HK1: variants seen among roughly 807,000 people sequenced by gnomAD.
HK1 encodes hexokinase 1.
A neutral mutation model predicts 91.6 loss-of-function variants in HK1; 28 were observed. The observed-to-expected ratio is 0.31, with a 90% CI of 0.23 to 0.42. HK1 has a LOEUF of 0.42. Ranked by LOEUF, HK1 falls within the 10% of genes least tolerant of loss-of-function variation. The pLI, the probability that HK1 is intolerant of heterozygous loss-of-function variation, is 1.00. For missense variants in HK1, 770 were observed against 1,219.8 expected (o/e 0.63, Z 5.49); for synonymous variants, 430 against 468.1 (o/e 0.92, Z 1.05).
chr10:69,355,955 C>T (rs1451072457), intron 2 of HK1, among the ~76,000 whole-genome samples: 8 of 152,262 alleles, frequency 5.3e-5, no homozygotes, highest in Non-Finnish European at 7.3e-5. Flanking sequence ...TTGACCTACA[C>T]CTCATACCAT....
intron 1 of HK1, among the ~76,000 whole-genome samples, chr10:69,333,818 G>T (rs919836373): frequency 6.6e-6 from 1 of 152,156 alleles, no homozygotes; most frequent in Non-Finnish European, 1.5e-5. Flanking sequence ...TCTTCATCAA[G>T]AATGGGGATC....
chr10:69,318,941 C>T lies in HK1; in HGVS notation c.-7C>T, dbSNP rs1564508013. On this transcript the variant is annotated 5_prime_UTR_variant, in exon 1 of 18. Transcript: ENST00000359426. ...ACGCCTGCCGCCCCGCGACCCCGAC[C>T]GCCAGCATGATCGCCGCGCAGCTCC... The T allele has an allele frequency of 3.1e-6, 5 of 1,589,820 alleles. No homozygotes were observed. The highest frequency in any genetic ancestry group is 1.7e-5 in the Admixed American group (1 of 57,762).
intron 14 of HK1, 104 bp from the exon 15 acceptor site, chr10:69,392,021 A>G: frequency 6.6e-6 from 7 of 1,060,748 alleles, no homozygotes; most frequent in Non-Finnish European, 1.0e-5. Flanking sequence ...ATCACAAAAA[A>G]CGTGCCCCCT....
At chr10:69,325,769 G>A (rs943036422) in intron 1 of HK1, among the ~76,000 whole-genome samples, 10 of 149,194 alleles carry the variant, frequency 6.7e-5, no homozygotes, top group Admixed American at 2.0e-4. Context: ...ACTCCTGACC[G>A]CAAGTGATCT....
chr10:69,276,108 A>ATAT lies in HK1; in HGVS notation c.-391+6000_-391+6001insTAT, dbSNP rs1352397297. 8.3e-3 allele frequency among the ~76,000 whole-genome samples: 404 copies of ATAT among 48,838 alleles called. 9 individuals carry two copies. The highest frequency in any genetic ancestry group is 0.013 in the Non-Finnish European group (314 of 24,988). 32.0% of individuals were successfully genotyped at this position (48,838 alleles called of 152,430 possible). On this transcript the variant is annotated intron_variant, in intron 1 of 21. Transcript: ENST00000360289. Reference sequence around the variant, plus strand: ...TCCTTTTCAAAAAAAAAAAAAAAAAAAAAAAAAAAAATACATATATATATA... The same window carrying ATAT: ...TCCTTTTCAAAAAAAAAAAAAAAAAATATAAAAAAAAAAATACATATATATATA...
chr10:69,285,344 C>A (rs4622145), intron 2 of HK1, among the ~76,000 whole-genome samples: 13,524 of 151,834 alleles, frequency 0.089, 1,074 homozygotes, highest in African/African-American at 0.21. Flanking sequence ...GAATGGCGTG[C>A]ACTCGGGAGG....
At position 69,350,757 on chromosome 10, in the gene HK1, C is replaced by T. The variant is rs1355694579; in HGVS notation, c.226+6768C>T. On this transcript the variant is annotated intron_variant, in intron 2 of 17. Transcript: ENST00000359426. ...AGTAAAATATTAAAATAAAAAGTACCGATCATTTCATCTCAGTGTAGTATT... is the reference window on the plus strand; with the variant it reads ...AGTAAAATATTAAAATAAAAAGTACTGATCATTTCATCTCAGTGTAGTATT... Among the ~76,000 whole-genome samples, 8 of 152,016 alleles carry T rather than the reference C, an allele frequency of 5.3e-5. No homozygotes were observed. In the East Asian group the frequency reaches 9.7e-4, roughly 18 times the overall value.
chr10:69,319,464 G>C lies in HK1; in HGVS notation c.63+454G>C, dbSNP rs562713849. Among the ~76,000 whole-genome samples, 17 of 152,360 alleles carry C rather than the reference G, an allele frequency of 1.1e-4. No individual in the cohort carries two copies. The South Asian group carries it at 2.3e-3, about 20-fold the overall frequency. ...CCATATTTGGGGTTCCTGGCGGAGG[G>C]TGTCGGGTGCCCCGGAGAAGCTGTC... On this transcript the variant is annotated intron_variant, in intron 1 of 17. Coordinates refer to ENST00000359426, the MANE Select transcript of HK1 (RefSeq NM_000188.3).
intron 1 of HK1, among the ~76,000 whole-genome samples, chr10:69,337,602 G>T (rs751788964): frequency 3.9e-5 from 6 of 152,212 alleles, no homozygotes; most frequent in Admixed American, 6.5e-5. Context: ...CTTAGCAAAG[G>T]GAAGTGAATT....
At chr10:69,375,703 C>T (rs566526901) in intron 7 of HK1, among the ~76,000 whole-genome samples, 2 of 152,272 alleles carry the variant, frequency 1.3e-5, no homozygotes, top group South Asian at 4.1e-4. Context: ...AGAGGAGCGG[C>T]GGGCTGCTCT....
Position 69,369,493 on chromosome 10 carries a change from G to A in HK1, c.744G>A (p.Val248=). ...YMEELRHIDL[V]EGDEGRMCIN... is the part of the protein sequence containing the mutation. ...AGGAACTGAGGCACATTGATCTGGTGGAAGGAGACGAGGGGAGGATGTGTA... is the reference window on the plus strand; with the variant it reads ...AGGAACTGAGGCACATTGATCTGGTAGAAGGAGACGAGGGGAGGATGTGTA... The change falls in exon 7 of 18, where the codon GTG becomes GTA. Residue 248 remains valine (V), a synonymous_variant. Coordinates refer to ENST00000359426, the MANE Select transcript of HK1 (RefSeq NM_000188.3). This position sits in a 1 kb window ranked among gnomAD's most constrained non-coding sequence, Gnocchi z 4.4. The A allele has an allele frequency of 6.2e-7, 1 of 1,614,252 alleles. No homozygotes were observed. The highest frequency in any genetic ancestry group is 8.5e-7 in the Non-Finnish European group (1 of 1,180,042).
intron 7 of HK1, among the ~76,000 whole-genome samples, chr10:69,373,441 T>A (rs1850120039): frequency 6.6e-6 from 1 of 152,204 alleles, no homozygotes; most frequent in African/African-American, 2.4e-5. Context: ...AGAAGGTCTG[T>A]TTCTAAAAGG....
intron 16 of HK1, among the ~76,000 whole-genome samples, chr10:69,396,099 C>G (rs1008288544): frequency 3.3e-5 from 5 of 151,844 alleles, no homozygotes; most frequent in African/African-American, 1.2e-4. Flanking sequence ...TGGCAAGACC[C>G]CATTTCTACA....
chr10:69,319,544 G>T (rs1392004812), intron 1 of HK1, among the ~76,000 whole-genome samples: 2 of 152,258 alleles, frequency 1.3e-5, no homozygotes, highest in African/African-American at 2.4e-5. Flanking sequence ...GAGGTGACCC[G>T]CCCGGCTTCC....
chr10:69,288,742 C>T, exon 3 of HK1: 1 of 1,613,698 alleles, frequency 6.2e-7, no homozygotes, highest in Non-Finnish European at 8.5e-7. Context: ...GCCCTCCCCA[C>T]AATGGGGCAG....
chr10:69,366,347 C>T (rs1451399664), intron 4 of HK1, among the ~76,000 whole-genome samples: 10 of 152,188 alleles, frequency 6.6e-5, no homozygotes, highest in Admixed American at 5.2e-4. Flanking sequence ...ACCTTCCACA[C>T]TTGCAGGGAG....
intron 13 of HK1, chr10:69,386,646 G>A (rs1319104322): frequency 1.5e-5 from 6 of 397,682 alleles, no homozygotes; most frequent in Non-Finnish European, 2.9e-5. Flanking sequence ...GCCAGGCGTG[G>A]TGGTGCGCAC....
At chr10:69,336,806 A>G (rs1848016407) in intron 1 of HK1, among the ~76,000 whole-genome samples, 4 of 150,812 alleles carry the variant, frequency 2.7e-5, no homozygotes, top group Admixed American at 2.6e-4. Flanking sequence ...CACCCGGCTA[A>G]TTTTTTTTGT....
intron 7 of HK1, among the ~76,000 whole-genome samples, chr10:69,371,316 A>ACCC (rs59530954): frequency 8.4e-5 from 11 of 131,294 alleles, no homozygotes; most frequent in African/African-American, 2.9e-4. Flanking sequence ...TTTTTACCAT[A>ACCC]CCCCCCCCCA....
Sources: gnomAD v4.1 joint callset for allele counts (sites outside exome capture counted in the v4.1 genomes callset) on GRCh38, gnomAD v4.1.1 for gene constraint, Gnocchi (gnomAD v3.1) non-coding constraint, MANE v1.5 for transcripts, NCBI Gene and HGNC (gene_info 2026-07-23, HGNC 2026-07-21) for gene names.